ATP7A: variants seen among roughly 807,000 people sequenced by gnomAD.
ATP7A encodes ATPase copper transporting alpha, also known as copper-transporting ATPase 1.
A neutral mutation model predicts 83.5 loss-of-function variants in ATP7A; 7 were observed. That is an observed-to-expected ratio of 0.08 (90% CI 0.05 to 0.16). ATP7A has a LOEUF of 0.16. ATP7A is among the 10% of genes least tolerant of loss of function. ATP7A has a pLI of 1.00. For synonymous variants in ATP7A, 354 were observed against 395.2 expected, an observed-to-expected ratio of 0.90 and a Z score of 1.24; for missense variants, 940 against 1,120.8, an observed-to-expected ratio of 0.84 and a Z score of 2.30.
intron 19 of ATP7A, among the ~76,000 whole-genome samples, chrX:78,041,568 C>T (rs1277430112): frequency 9.1e-6 from 1 of 110,497 alleles, no homozygotes; most frequent in African/African-American, 3.3e-5. Flanking sequence ...AGCCACCGCA[C>T]CCGGCCTATT....
intron 1 of ATP7A, among the ~76,000 whole-genome samples, chrX:77,957,542 A>T (rs1172692009): frequency 7.3e-5 from 8 of 109,670 alleles, no homozygotes; most frequent in Admixed American, 1.9e-4. Flanking sequence ...TAACCCCTTG[A>T]TAAATGTATA....
intron 15 of ATP7A, among the ~76,000 whole-genome samples, chrX:78,029,997 A>G (rs951355552): frequency 4.4e-5 from 5 of 112,506 alleles, no homozygotes; most frequent in African/African-American, 1.6e-4. Context: ...TATTATGAGG[A>G]TGTAAGCTAT....
chrX:77,916,123 G>A (rs2077183862), intron 1 of ATP7A, among the ~76,000 whole-genome samples: 1 of 111,053 alleles, frequency 9.0e-6, no homozygotes, highest in African/African-American at 3.3e-5. Context: ...GGGAGGCTGA[G>A]GTGGGTAGAT....
In ATP7A at chrX:77,970,691, C is replaced by A. The variant is rs571291482; in HGVS notation, c.-21-930C>A. Among the ~76,000 whole-genome samples, 196 of 110,661 alleles carry A rather than the reference C, an allele frequency of 1.8e-3. 1 individual carries two copies. Among genetic ancestry groups the A allele is most frequent in the South Asian group, 5.4e-3 (14 of 2,588 alleles). On this transcript the variant is annotated intron_variant, in intron 1 of 22. Transcript: ENST00000341514. ...CAAAAACAAAAACAAAAACAAAAAC[C>A]AAAACAACAACAACAACAAAAAACA...
intron 17 of ATP7A, among the ~76,000 whole-genome samples, chrX:78,036,160 A>T (rs1188697292): frequency 8.9e-6 from 1 of 111,864 alleles, no homozygotes; most frequent in Non-Finnish European, 1.9e-5. Context: ...GTGGAAGAAC[A>T]CAAGAGAGTG....
chrX:77,915,505 G>C (rs1179941848), intron 1 of ATP7A, among the ~76,000 whole-genome samples: 1 of 110,871 alleles, frequency 9.0e-6, no homozygotes, highest in Admixed American at 9.7e-5. Context: ...TCACAGGATT[G>C]TTAATGATCT....
In ATP7A at chrX:78,015,409, C is replaced by A. The variant is rs1048117596; in HGVS notation, c.2499-345C>A. Among the ~76,000 whole-genome samples, 3 of 112,365 alleles carry A rather than the reference C, an allele frequency of 2.7e-5. No individual in the cohort carries two copies. The Admixed American group carries it at 2.8e-4, about 11-fold the overall frequency. ...TAAAGCTAAAGACTTGATTATATTTCATTCTTTTGTATTTCTCATTTTTAT... is the reference window on the plus strand; with the variant it reads ...TAAAGCTAAAGACTTGATTATATTTAATTCTTTTGTATTTCTCATTTTTAT... On this transcript the variant is annotated intron_variant, in intron 11 of 22. Transcript: ENST00000341514.
At chrX:77,978,263 C>A (rs1162655505) in intron 2 of ATP7A, among the ~76,000 whole-genome samples, 2 of 110,341 alleles carry the variant, frequency 1.8e-5, no homozygotes, top group Admixed American at 2.0e-4. Flanking sequence ...GGTTAGTAGG[C>A]TATTTGGCTA....
intron 1 of ATP7A, among the ~76,000 whole-genome samples, chrX:77,955,847 A>ATT (rs200845953): frequency 2.2e-5 from 2 of 89,663 alleles, no homozygotes; most frequent in South Asian, 4.9e-4. Context: ...GACATCAACC[A>ATT]TTTTTTTTTT....
At chrX:77,951,584 T>C (rs1286414833) in intron 1 of ATP7A, among the ~76,000 whole-genome samples, 1 of 104,990 alleles carries the variant, frequency 9.5e-6, no homozygotes, top group African/African-American at 3.4e-5. Flanking sequence ...CACAAGACCT[T>C]TTTTTTTTTT....
chrX:77,956,739 C>CTTTCTTTCTTTCTTTCTT (rs2077444231), intron 1 of ATP7A, among the ~76,000 whole-genome samples: 1 of 90,933 alleles, frequency 1.1e-5, no homozygotes, highest in Non-Finnish European at 2.2e-5. Flanking sequence ...TTCTTTCTTT[C>CTTTCTTTCTTTCTTTCTT]TTTCTTTCTT....
chrX:78,024,658 G>A (rs1291972750), intron 14 of ATP7A, among the ~76,000 whole-genome samples: 3 of 111,841 alleles, frequency 2.7e-5, no homozygotes, highest in Non-Finnish European at 3.8e-5. Flanking sequence ...AAATCACTGA[G>A]TTGCCTGCTT....
chrX:77,942,633 G>A (rs781843814), intron 1 of ATP7A, among the ~76,000 whole-genome samples: 28 of 109,990 alleles, frequency 2.5e-4, no homozygotes, highest in African/African-American at 8.9e-4. Flanking sequence ...TTTTTGTAGA[G>A]ACGAGGGTCT....
At chrX:77,965,212 C>CA (rs1320757241) in intron 1 of ATP7A, among the ~76,000 whole-genome samples, 19 of 106,954 alleles carry the variant, frequency 1.8e-4, no homozygotes, top group Non-Finnish European at 2.9e-4. Flanking sequence ...AATTTTATTT[C>CA]AAAAAAAAAG....
rs782621885 is a variant in ATP7A at position 77,978,612 on chromosome X, T to A, written c.120+6851T>A. ...AACTTTTCTAAACTATCATTAATTT[T>A]AAAAATTTTTATCTAGAGAAAAGAC... On this transcript the variant is annotated intron_variant, in intron 2 of 22. Coordinates refer to ENST00000341514, the MANE Select transcript of ATP7A (RefSeq NM_000052.7). Among the ~76,000 whole-genome samples, 5 of 111,716 alleles carry A rather than the reference T, an allele frequency of 4.5e-5. No individual in the cohort carries two copies. The South Asian group carries it at 1.5e-3, about 33-fold the overall frequency.
intron 5 of ATP7A, among the ~76,000 whole-genome samples, chrX:78,000,820 A>G (rs1603383367): frequency 1.8e-5 from 2 of 109,231 alleles, no homozygotes; most frequent in East Asian, 5.7e-4. Context: ...GTATGCCACC[A>G]TGCCTGGCTA....
chrX:78,003,740 G>A (rs1214854278), intron 6 of ATP7A, among the ~76,000 whole-genome samples: 2 of 110,140 alleles, frequency 1.8e-5, no homozygotes, highest in South Asian at 3.8e-4. Context: ...TCAGGAGTTC[G>A]AGACCAGCCC....
intron 14 of ATP7A, among the ~76,000 whole-genome samples, chrX:78,022,791 A>T (rs1457065056): frequency 9.0e-6 from 1 of 110,654 alleles, no homozygotes; most frequent in East Asian, 2.8e-4. Context: ...GTGCTGGGAT[A>T]ACAGGCATGA....
At position 78,009,071 on chromosome X, in the gene ATP7A, T is replaced by C. The variant is rs782294950; in HGVS notation, c.1708-31T>C. On this transcript the variant is annotated intron_variant, in intron 6 of 22. Coordinates refer to ENST00000341514, the MANE Select transcript of ATP7A (RefSeq NM_000052.7). ...ATGTTTAATGGTGGAAAAAGTATAT[T>C]CCTGAAGAACAAATGCTTTGTCTTT... The C allele has an allele frequency of 4.2e-6, 5 of 1,196,576 alleles. No individual in the cohort carries two copies. The East Asian group carries it at 1.5e-4, about 36-fold the overall frequency.
Sources: gnomAD v4.1 joint callset for allele counts (sites outside exome capture counted in the v4.1 genomes callset) on GRCh38, gnomAD v4.1.1 for gene constraint, MANE v1.5 for transcripts, NCBI Gene and HGNC (gene_info 2026-07-23, HGNC 2026-07-21) for gene names.